The following PPARD variants were observed in gnomAD, a reference collection of about 807,000 sequenced individuals.
The protein encoded by PPARD is peroxisome proliferator activated receptor delta, also known as peroxisome proliferator-activated receptor delta.
Under a neutral mutation model 39.5 loss-of-function variants are expected in PPARD, and 6 were observed. The observed-to-expected ratio is 0.15, with a 90% CI of 0.08 to 0.30. PPARD has a LOEUF of 0.30. PPARD is among the 10% of genes least tolerant of loss of function. The pLI, the probability that PPARD is intolerant of heterozygous loss-of-function variation, is 1.00. For missense variants in PPARD, 397 were observed against 596.8 expected (o/e 0.67, Z 3.49); for synonymous variants, 210 against 231.3 (o/e 0.91, Z 0.83).
intron 1 of PPARD, among the ~76,000 whole-genome samples, chr6:35,343,764 T>C (rs566605239): frequency 6.6e-6 from 1 of 152,284 alleles, no homozygotes; most frequent in African/African-American, 2.4e-5. Context: ...AGCCGGAGGC[T>C]TTGTCCAATT....
At chr6:35,416,389 A>C (rs1378379530) in intron 3 of PPARD, among the ~76,000 whole-genome samples, 2 of 147,836 alleles carry the variant, frequency 1.4e-5, no homozygotes, top group African/African-American at 2.5e-5. Context: ...AAAAAAAAAA[A>C]AAAAAAAAAA....
At chr6:35,361,886 T>C (rs993953469) in intron 2 of PPARD, among the ~76,000 whole-genome samples, 4 of 152,364 alleles carry the variant, frequency 2.6e-5, no homozygotes, top group Admixed American at 2.0e-4. Flanking sequence ...GCTGTTTATC[T>C]GACTAGTAAT....
chr6:35,404,812 A>G (rs1764924904), intron 2 of PPARD, among the ~76,000 whole-genome samples: 1 of 152,202 alleles, frequency 6.6e-6, no homozygotes, highest in Non-Finnish European at 1.5e-5. Context: ...ACCACTGCCC[A>G]TGAAATTCAC....
At chr6:35,370,585 CA>C (rs2150535471) in intron 2 of PPARD, among the ~76,000 whole-genome samples, 2 of 152,204 alleles carry the variant, frequency 1.3e-5, no homozygotes, top group East Asian at 3.9e-4. Flanking sequence ...ATGAGTCACC[CA>C]CTGGCCACAG....
chr6:35,390,734 G>A (rs1763958913), intron 2 of PPARD, among the ~76,000 whole-genome samples: 1 of 152,084 alleles, frequency 6.6e-6, no homozygotes, highest in South Asian at 2.1e-4. Flanking sequence ...GCGTGGTTTG[G>A]TGGTTTGGTT....
At chr6:35,356,521 A>G in intron 2 of PPARD, among the ~76,000 whole-genome samples, 1 of 151,962 alleles carries the variant, frequency 6.6e-6, no homozygotes, top group East Asian at 1.9e-4. Flanking sequence ...ATAGCTGTTG[A>G]CTCTCTTTGC....
rs1368523346 is a variant in PPARD at position 35,421,276 on chromosome 6, T to C, written c.286-544T>C. On this transcript the variant is annotated intron_variant, in intron 4 of 7. Coordinates refer to ENST00000360694, the MANE Select transcript of PPARD (RefSeq NM_006238.5). ...CTGTGTCCAGCCCCAACAAAGAAGC[T>C]TTAGGACTTCTTTAGACATTTAAAA... Among the ~76,000 whole-genome samples, 22 of 147,798 alleles carry C rather than the reference T, an allele frequency of 1.5e-4. No individual in the cohort carries two copies. The Admixed American group carries it at 1.5e-3, about 10-fold the overall frequency.
At chr6:35,383,968 A>C (rs370361621) in intron 2 of PPARD, among the ~76,000 whole-genome samples, 1 of 119,578 alleles carries the variant, frequency 8.4e-6, no homozygotes, top group Non-Finnish European at 1.6e-5. Context: ...CCAGGCCAGC[A>C]GCCCCATCCG....
At chr6:35,373,774 C>A (rs1762630428) in intron 2 of PPARD, among the ~76,000 whole-genome samples, 1 of 151,906 alleles carries the variant, frequency 6.6e-6, no homozygotes, top group Non-Finnish European at 1.5e-5. Flanking sequence ...CTCAAGCAAT[C>A]CTCACACCTC....
At chr6:35,360,482 A>G (rs1761871446) in intron 2 of PPARD, among the ~76,000 whole-genome samples, 1 of 152,228 alleles carries the variant, frequency 6.6e-6, no homozygotes, top group South Asian at 2.1e-4. Flanking sequence ...GTGTAGGATC[A>G]GAGAGGTTAA....
intron 2 of PPARD, among the ~76,000 whole-genome samples, chr6:35,379,599 C>T (rs1402002413): frequency 2.0e-5 from 3 of 152,236 alleles, no homozygotes; most frequent in African/African-American, 7.2e-5. Context: ...GAATTCCTAG[C>T]ACACAGAAAG....
chr6:35,356,707 CCCAAATGTCTGCGGACATTG>C (rs1393036331), intron 2 of PPARD, among the ~76,000 whole-genome samples: 3 of 152,192 alleles, frequency 2.0e-5, no homozygotes, highest in Non-Finnish European at 4.4e-5. Context: ...AGCTGTAAAA[CCCAAATGTCTGCGGACATTG>C]CCAAATGTCT....
At chr6:35,367,055 G>A (rs1762241356) in intron 2 of PPARD, among the ~76,000 whole-genome samples, 1 of 152,206 alleles carries the variant, frequency 6.6e-6, no homozygotes, top group Admixed American at 6.5e-5. Context: ...AAAGGTGGGG[G>A]TGACTGGGGA....
rs192751423 is a variant in PPARD, at chr6:35,352,102, C to T, written c.-102+4952C>T. ...CAGGCTGGTCTCAAACTCCTGAGCT[C>T]GAGCCATTCATTCCTGCCTTGGCCT... On this transcript the variant is annotated intron_variant, in intron 2 of 7. Transcript: ENST00000360694. 1.9e-3 allele frequency among the ~76,000 whole-genome samples: 292 copies of T among 152,118 alleles called. 1 individual carries two copies. Among genetic ancestry groups the T allele is most frequent in the African/African-American group, 4.5e-3 (188 of 41,520 alleles).
intron 2 of PPARD, chr6:35,348,333 C>G (rs1761014113): frequency 1.0e-6 from 1 of 984,984 alleles, no homozygotes; most frequent in African/African-American, 1.7e-5. Flanking sequence ...CTGGCCATAA[C>G]ACACAGAATT....
intron 2 of PPARD, among the ~76,000 whole-genome samples, chr6:35,362,547 A>G (rs1413836840): frequency 3.3e-5 from 5 of 151,928 alleles, no homozygotes; most frequent in Non-Finnish European, 7.4e-5. Context: ...AGGAGTTTAG[A>G]AAAAAAGATG....
chr6:35,378,654 C>A (rs185960829), intron 2 of PPARD, among the ~76,000 whole-genome samples: 1 of 152,302 alleles, frequency 6.6e-6, no homozygotes, highest in East Asian at 1.9e-4. Flanking sequence ...GGCTGCACTT[C>A]TGAAAGGCGC....
At chr6:35,406,195 G>T (rs1302124633) in intron 2 of PPARD, among the ~76,000 whole-genome samples, 1 of 152,210 alleles carries the variant, frequency 6.6e-6, no homozygotes, top group African/African-American at 2.4e-5. Context: ...CAAAGTGCTG[G>T]GATTACAGGC....
At chr6:35,358,807 A>G (rs1391039662) in intron 2 of PPARD, among the ~76,000 whole-genome samples, 2 of 152,204 alleles carry the variant, frequency 1.3e-5, no homozygotes, top group Non-Finnish European at 2.9e-5. Flanking sequence ...CATTTATTCA[A>G]TAAATGTTTA....
Sources: allele counts gnomAD v4.1 joint callset (sites outside exome capture counted in the v4.1 genomes callset), GRCh38; gene constraint gnomAD v4.1.1; transcripts MANE v1.5; gene names NCBI Gene and HGNC (gene_info 2026-07-23, HGNC 2026-07-21).